GAD1: variants seen among roughly 807,000 people sequenced by gnomAD.
The protein encoded by GAD1 is 67 kDa glutamic acid decarboxylase.
Under a neutral mutation model 75.2 loss-of-function variants are expected in GAD1, and 35 were observed. The ratio of observed to expected loss-of-function variants is 0.47; its 90% confidence interval spans 0.36 to 0.62. The LOEUF (loss-of-function observed/expected upper bound fraction) is 0.62. Ranked by LOEUF, GAD1 falls within the 20% of genes least tolerant of loss-of-function variation. The pLI, the probability that GAD1 is intolerant of heterozygous loss-of-function variation, is 0.00. For synonymous variants in GAD1, 257 were observed against 271.9 expected (o/e 0.95, Z 0.54); for missense variants, 490 against 758.5 (o/e 0.65, Z 4.16).
intron 3 of GAD1, among the ~76,000 whole-genome samples, chr2:170,824,869 TC>T (rs1238243941): frequency 6.6e-6 from 1 of 152,146 alleles, no homozygotes; most frequent in Non-Finnish European, 1.5e-5. Context: ...TCCTTGGGCT[TC>T]CATCACTTAT....
intron 6 of GAD1, chr2:170,843,768 G>C (rs1702573294): frequency 2.3e-6 from 1 of 432,824 alleles, no homozygotes; most frequent in Non-Finnish European, 4.2e-6. Flanking sequence ...CCTCTGGGTG[G>C]ACCATGCCTA....
In GAD1 at chr2:170,861,002, C is replaced by T. The variant is rs1702951839; in HGVS notation, c.*1120C>T. Reference sequence around the variant, plus strand: ...TGACTCGCTTAGCTGAAACCTAAGGCAACATTTCCGAAGACCTTCTGAAGA... The same window carrying T: ...TGACTCGCTTAGCTGAAACCTAAGGTAACATTTCCGAAGACCTTCTGAAGA... On this transcript the variant is annotated 3_prime_UTR_variant, in exon 17 of 17. Transcript: ENST00000358196. 6.6e-6 allele frequency: 1 copy of T among 152,628 alleles called. No homozygotes were observed. Among genetic ancestry groups the T allele is most frequent in the Non-Finnish European group, 1.5e-5 (1 of 68,038 alleles). The allele number at this position is 152,628 out of a possible 1,614,324, so 9.5% of individuals were successfully genotyped here. A position where few individuals can be genotyped will look rare whatever the true frequency, so the allele number is the denominator to read the frequency against.
chr2:170,860,284 C>A lies in GAD1; in HGVS notation c.*402C>A. The A allele has an allele frequency of 4.8e-6, 1 of 206,314 alleles. No homozygotes were observed. Among genetic ancestry groups the A allele is most frequent in the Non-Finnish European group, 1.0e-5 (1 of 99,818 alleles). The allele number at this position is 206,314 out of a possible 1,614,324, so 12.8% of individuals were successfully genotyped here. A position where few individuals can be genotyped will look rare whatever the true frequency, so the allele number is the denominator to read the frequency against. ...AAACTGTTTTTCAAAACGCCATGTC[C>A]TAGGGGCCGAGGGAAATGCTGTTGG... is the stretch of plus-strand genomic sequence containing the variant. On this transcript the variant is annotated 3_prime_UTR_variant, in exon 17 of 17. Coordinates refer to ENST00000358196, the MANE Select transcript of GAD1 (RefSeq NM_000817.3).
intron 6 of GAD1, chr2:170,842,882 C>T (rs987075175): frequency 1.6e-6 from 1 of 642,990 alleles, no homozygotes. Flanking sequence ...CAATAGTTAT[C>T]TCATCCTTAC....
intron 2 of GAD1, among the ~76,000 whole-genome samples, chr2:170,820,190 C>CG (rs1328156201): frequency 1.3e-5 from 2 of 152,062 alleles, no homozygotes; most frequent in African/African-American, 4.8e-5. Context: ...GGGGGGTTAG[C>CG]GGGCAGTTGT....
Position 170,839,006 on chromosome 2 carries a change from A to G in GAD1, c.638+2123A>G, listed in dbSNP as rs186129627. Among the ~76,000 whole-genome samples the G allele has an allele frequency of 3.3e-3, 497 of 152,384 alleles. 4 individuals carry two copies. The highest frequency in any genetic ancestry group is 0.011 in the African/African-American group (461 of 41,594). Reference sequence around the variant, plus strand: ...TATTATCTAGAAATTGTTCTAAGCCAGTTGCCCTGGAAGATCATGAAATGT... The same window carrying G: ...TATTATCTAGAAATTGTTCTAAGCCGGTTGCCCTGGAAGATCATGAAATGT... On this transcript the variant is annotated intron_variant, in intron 6 of 16. Transcript: ENST00000358196.
At chr2:170,857,927 A>G (rs1312999791) in intron 15 of GAD1, among the ~76,000 whole-genome samples, 1 of 152,392 alleles carries the variant, frequency 6.6e-6, no homozygotes, top group South Asian at 2.1e-4. Context: ...AATAGGAGCC[A>G]GTGTTGAATA....
intron 6 of GAD1, among the ~76,000 whole-genome samples, chr2:170,840,643 A>G (rs374364694): frequency 0.2 from 15,781 of 79,794 alleles, 966 homozygotes; most frequent in Admixed American, 0.29. Flanking sequence ...AAGGGAGGAA[A>G]GGAGGGAGGT....
rs45608832 is a variant in GAD1, at chr2:170,858,509, C to T, written c.1522-295C>T. ...ACTACAAAATGACAACATGGACAGA[C>T]GGATACCTTTTTTAAAAAATTGCCC... On this transcript the variant is annotated intron_variant, in intron 15 of 16. Coordinates refer to ENST00000358196, the MANE Select transcript of GAD1 (RefSeq NM_000817.3). Among the ~76,000 whole-genome samples the T allele has an allele frequency of 2.7e-3, 414 of 152,230 alleles. 3 individuals carry two copies. The highest frequency in any genetic ancestry group is 4.6e-3 in the Non-Finnish European group (314 of 68,006).
intron 6 of GAD1, chr2:170,842,829 C>A: frequency 1.8e-6 from 2 of 1,107,668 alleles, no homozygotes; most frequent in Non-Finnish European, 2.5e-6. Flanking sequence ...CTTTTTTCAT[C>A]CACAATTAAA....
rs56279827 is a variant in GAD1 at position 170,846,853 on chromosome 2, T to A, written c.1002+790T>A. On this transcript the variant is annotated intron_variant, in intron 10 of 16. Coordinates refer to ENST00000358196, the MANE Select transcript of GAD1 (RefSeq NM_000817.3). ...TAACCCACATCTCTGTAAAAAATTTTAAAAAATAGCCAGGTGTGGTGGTGC... is the reference window on the plus strand; with the variant it reads ...TAACCCACATCTCTGTAAAAAATTTAAAAAAATAGCCAGGTGTGGTGGTGC... Among the ~76,000 whole-genome samples, 2 of 152,200 alleles carry A rather than the reference T, an allele frequency of 1.3e-5. 1 individual carries two copies. Among genetic ancestry groups the A allele is most frequent in the Non-Finnish European group, 2.9e-5 (2 of 68,010 alleles).
chr2:170,828,652 CT>C (rs144911688), intron 3 of GAD1, among the ~76,000 whole-genome samples: 190 of 110,906 alleles, frequency 1.7e-3, no homozygotes, highest in Middle Eastern at 4.7e-3. Flanking sequence ...ACCCTCCTCC[CT>C]CTGCTGTCCT....
At chr2:170,852,629 G>A (rs1702767637) in intron 12 of GAD1, 85 bp from the exon 13 acceptor site, 2 of 1,101,254 alleles carry the variant, frequency 1.8e-6, no homozygotes, top group East Asian at 2.4e-5. Context: ...TTACTAACTT[G>A]AGTTGGAATG....
chr2:170,849,709 CAAT>C (rs1301700784), intron 12 of GAD1, among the ~76,000 whole-genome samples: 10 of 152,272 alleles, frequency 6.6e-5, no homozygotes, highest in Admixed American at 1.3e-4. Context: ...ATCAATCAAT[CAAT>C]GAGAAAGACA....
intron 3 of GAD1, 84 bp from the exon 4 acceptor site, chr2:170,829,391 T>C (rs1355261809): frequency 1.4e-6 from 2 of 1,445,640 alleles, no homozygotes; most frequent in Non-Finnish European, 1.9e-6. Context: ...AGAGCCCTGC[T>C]TGGAGAGTTG....
chr2:170,851,330 A>C (rs542949514), intron 12 of GAD1, among the ~76,000 whole-genome samples: 8 of 152,338 alleles, frequency 5.3e-5, no homozygotes, highest in Admixed American at 2.0e-4. Flanking sequence ...AGCAATGAGA[A>C]ATTTGATTAA....
intron 10 of GAD1, 116 bp from the exon 11 acceptor site, chr2:170,847,557 TACA>T: frequency 2.6e-6 from 2 of 782,090 alleles, no homozygotes; most frequent in Non-Finnish European, 4.7e-6. Context: ...TATCTGGTAA[TACA>T]TAAGTTTTGC....
chr2:170,839,613 C>CAA (rs201762496), intron 6 of GAD1, among the ~76,000 whole-genome samples: 10 of 101,832 alleles, frequency 9.8e-5, no homozygotes, highest in African/African-American at 2.6e-4. Flanking sequence ...GACTCCATCT[C>CAA]AAAAAAAAAA....
rs770720432 is a variant in GAD1, at chr2:170,818,681, C to T, written c.82+8C>T. ...CTAACCTGCGCCCCACAAGTAGGTC[C>T]CGCCCCAATTTTCTATCAAATGAAC... On this transcript the variant is annotated splice_region_variant and intron_variant, in intron 2 of 16. Transcript: ENST00000358196. This position sits in a 1 kb window ranked among gnomAD's most constrained non-coding sequence, Gnocchi z 5.9. 8.7e-6 allele frequency: 14 copies of T among 1,613,412 alleles called. No homozygotes were observed. Among genetic ancestry groups the T allele is most frequent in the Non-Finnish European group, 1.1e-5 (13 of 1,179,432 alleles).
Sources: gnomAD v4.1 joint callset for allele counts (sites outside exome capture counted in the v4.1 genomes callset) on GRCh38, gnomAD v4.1.1 for gene constraint, Gnocchi (gnomAD v3.1) non-coding constraint, MANE v1.5 for transcripts, NCBI Gene and HGNC (gene_info 2026-07-23, HGNC 2026-07-21) for gene names.